AMMECR1: variants seen among roughly 807,000 people sequenced by gnomAD.
AMMECR1 encodes nuclear protein AMMECR1.
In AMMECR1, 3 loss-of-function variants were observed where a neutral mutation model predicts 22.5. That is an observed-to-expected ratio of 0.13 (90% CI 0.06 to 0.35). The LOEUF is 0.35. AMMECR1 is among the 10% of genes least tolerant of loss of function. AMMECR1 has a pLI of 1.00. For synonymous variants in AMMECR1, 130 were observed against 116.7 expected, an observed-to-expected ratio of 1.11 and a Z score of -0.74; for missense variants, 235 against 278.7, an observed-to-expected ratio of 0.84 and a Z score of 1.12.
At chrX:110,331,790 G>A (rs1036915553) in intron 2 of AMMECR1, among the ~76,000 whole-genome samples, 3 of 111,746 alleles carry the variant, frequency 2.7e-5, no homozygotes, top group South Asian at 3.7e-4. Flanking sequence ...GTTCTCTAGC[G>A]TTGTCTTTCA....
At chrX:110,289,157 T>G (rs1244245153) in intron 1 of AMMECR1, among the ~76,000 whole-genome samples, 4 of 111,477 alleles carry the variant, frequency 3.6e-5, no homozygotes, top group African/African-American at 9.8e-5. Flanking sequence ...TCAAAATTAT[T>G]AATATGTCTC....
At chrX:110,267,852 T>C (rs889042478) in intron 1 of AMMECR1, among the ~76,000 whole-genome samples, 3 of 112,155 alleles carry the variant, frequency 2.7e-5, no homozygotes, top group Admixed American at 9.5e-5. Flanking sequence ...CTAAACACTA[T>C]ACTATGAAAT....
intron 2 of AMMECR1, among the ~76,000 whole-genome samples, chrX:110,400,103 A>G (rs951644615): frequency 9.1e-6 from 1 of 109,683 alleles, no homozygotes; most frequent in Non-Finnish European, 1.9e-5. Flanking sequence ...CCTCCCTGAC[A>G]TTCTACTGAA....
intron 2 of AMMECR1, among the ~76,000 whole-genome samples, chrX:110,261,048 T>C (rs1367242633): frequency 9.0e-6 from 1 of 110,976 alleles, no homozygotes; most frequent in Non-Finnish European, 1.9e-5. Flanking sequence ...AGGAAGAATG[T>C]GGAGTTCATG....
At chrX:110,416,585 G>C (rs1025717993) in intron 2 of AMMECR1, among the ~76,000 whole-genome samples, 2 of 111,673 alleles carry the variant, frequency 1.8e-5, no homozygotes, top group African/African-American at 6.5e-5. Context: ...CCTTGACTCT[G>C]TGCTGGTTAG....
At chrX:110,307,071 C>CTACAAAAA (rs1251475121) in intron 1 of AMMECR1, 1 of 109,768 alleles carries the variant, frequency 9.1e-6, no homozygotes, top group Non-Finnish European at 1.9e-5. Context: ...AACCCCGTCT[C>CTACAAAAA]TACAAAAATA....
At chrX:110,251,735 T>C (rs1272895395) in intron 2 of AMMECR1, among the ~76,000 whole-genome samples, 1 of 111,760 alleles carries the variant, frequency 8.9e-6, no homozygotes, top group East Asian at 2.8e-4. Context: ...ACAGGAAATA[T>C]AGACTGATAG....
In AMMECR1 at chrX:110,314,281, G is replaced by A. The variant is rs77084037; in HGVS notation, c.473+3318C>T. Among the ~76,000 whole-genome samples, 15 of 111,354 alleles carry A rather than the reference G, an allele frequency of 1.3e-4. No homozygotes were observed. In the East Asian group the frequency reaches 4.2e-3, roughly 31 times the overall value. Reference sequence around the variant, plus strand: ...CCACAATGCAAGAGTTTCTCAAATCGGTTGTTTACTGAAATTTAGGGTGCT... The same window carrying A: ...CCACAATGCAAGAGTTTCTCAAATCAGTTGTTTACTGAAATTTAGGGTGCT... On this transcript the variant is annotated intron_variant, in intron 1 of 5. Coordinates refer to ENST00000262844, the MANE Select transcript of AMMECR1 (RefSeq NM_015365.3).
chrX:110,322,382 TCTTTA>T (rs1203094106), upstream of AMMECR1, among the ~76,000 whole-genome samples: 4 of 111,912 alleles, frequency 3.6e-5, no homozygotes, highest in Non-Finnish European at 7.5e-5. Flanking sequence ...TTTGGGAAAG[TCTTTA>T]CTTGACTGTT....
At chrX:110,345,494 TA>T (rs113026603) in intron 2 of AMMECR1, among the ~76,000 whole-genome samples, 4,472 of 104,636 alleles carry the variant, frequency 0.043, 229 homozygotes, top group African/African-American at 0.15. Flanking sequence ...TAAAGTGTAA[TA>T]AAAAAAATAT....
At chrX:110,201,954 A>C (rs2067399161) in intron 4 of AMMECR1, among the ~76,000 whole-genome samples, 1 of 112,088 alleles carries the variant, frequency 8.9e-6, no homozygotes. Context: ...GTGTAGACCA[A>C]GCATATAAAA....
At chrX:110,281,350 C>A (rs1252166644) in intron 1 of AMMECR1, among the ~76,000 whole-genome samples, 1 of 112,207 alleles carries the variant, frequency 8.9e-6, no homozygotes, top group Non-Finnish European at 1.9e-5. Flanking sequence ...AAACTAGAAG[C>A]ATTTAAGGAG....
chrX:110,382,900 G>A (rs1169757950), intron 2 of AMMECR1, among the ~76,000 whole-genome samples: 1 of 111,816 alleles, frequency 8.9e-6, no homozygotes, highest in Non-Finnish European at 1.9e-5. Context: ...CCAGTATTGA[G>A]CTTCCTATAC....
intron 2 of AMMECR1, among the ~76,000 whole-genome samples, chrX:110,424,787 A>T (rs1457455813): frequency 8.9e-6 from 1 of 112,074 alleles, no homozygotes; most frequent in Non-Finnish European, 1.9e-5. Flanking sequence ...GAGAACAAGG[A>T]TCAAGAAGGC....
intron 1 of AMMECR1, among the ~76,000 whole-genome samples, chrX:110,439,340 T>C (rs1035080367): frequency 8.9e-6 from 1 of 112,335 alleles, no homozygotes; most frequent in Non-Finnish European, 1.9e-5. Context: ...ATTCGTGGGA[T>C]AGCGTGGAGC....
Position 110,346,149 on chromosome X carries a change from G to A in AMMECR1, c.-147-28300C>T, listed in dbSNP as rs975473137. ...TTTATTTAGCAAGTGAGAAAAAATTGGAATATTGAAGTATTTGCATAAAAA... is the reference window on the plus strand; with the variant it reads ...TTTATTTAGCAAGTGAGAAAAAATTAGAATATTGAAGTATTTGCATAAAAA... On this transcript the variant is annotated intron_variant, in intron 2 of 7. Coordinates refer to the AMMECR1 transcript ENST00000372057. Among the ~76,000 whole-genome samples the A allele has an allele frequency of 6.3e-5, 7 of 111,919 alleles. No homozygotes were observed. In the East Asian group the frequency reaches 1.9e-3, roughly 31 times the overall value.
At chrX:110,301,515 A>G (rs2067966891) in intron 1 of AMMECR1, among the ~76,000 whole-genome samples, 1 of 112,287 alleles carries the variant, frequency 8.9e-6, no homozygotes, top group Admixed American at 9.4e-5. Context: ...CTTCCCAAGG[A>G]GCTGCCAGAC....
intron 1 of AMMECR1, among the ~76,000 whole-genome samples, chrX:110,312,144 C>G: frequency 8.9e-6 from 1 of 112,473 alleles, no homozygotes; most frequent in Non-Finnish European, 1.9e-5. Context: ...AACTTGGGAA[C>G]TGACTAATCT....
At chrX:110,313,101 T>C (rs1033758546) in intron 1 of AMMECR1, among the ~76,000 whole-genome samples, 2 of 112,072 alleles carry the variant, frequency 1.8e-5, no homozygotes, top group African/African-American at 6.5e-5. Context: ...GCCACAGTTC[T>C]GTTGAAACAA....
Sources: allele counts gnomAD v4.1 joint callset (sites outside exome capture counted in the v4.1 genomes callset), GRCh38; gene constraint gnomAD v4.1.1; transcripts MANE v1.5; gene names NCBI Gene and HGNC (gene_info 2026-07-23, HGNC 2026-07-21).